The following EFCAB6 variants were observed in gnomAD, a reference collection of about 807,000 sequenced individuals.
The protein encoded by EFCAB6 is EF-hand calcium-binding domain-containing protein 6.
Under a neutral mutation model 169.8 loss-of-function variants are expected in EFCAB6, and 156 were observed. The ratio of observed to expected loss-of-function variants is 0.92; its 90% CI spans 0.81 to 1.05. EFCAB6 has a LOEUF of 1.05. Among genes scored for constraint, EFCAB6 ranks in the 50% least tolerant of loss-of-function variants. The pLI is 0.00. For missense variants in EFCAB6, 1,800 were observed against 1,829.1 expected (o/e 0.98, Z 0.29); for synonymous variants, 698 against 676.4 (o/e 1.03, Z -0.50).
In EFCAB6 at chr22:43,687,448, T is replaced by TTG. The variant is rs761757511; in HGVS notation, c.1142+22_1142+23insCA. 9 of 388,938 alleles carry TTG rather than the reference T, an allele frequency of 2.3e-5. No individual in the cohort carries two copies. The African/African-American group carries it at 3.9e-4, about 17-fold the overall frequency. The allele number at this position is 388,938 out of a possible 1,614,324, so 24.1% of individuals were successfully genotyped here. A position where few individuals can be genotyped will look rare whatever the true frequency, so the allele number is the denominator to read the frequency against. Reference sequence around the variant, plus strand: ...TTATGATATGTGTAACTAAAATTTGTTTTTTTTTTTTTTTTTACATACCTA... The same window carrying TTG: ...TTATGATATGTGTAACTAAAATTTGTTGTTTTTTTTTTTTTTTTACATACCTA... On this transcript the variant is annotated intron_variant, in intron 11 of 31. Transcript: ENST00000262726.
intron 2 of EFCAB6, among the ~76,000 whole-genome samples, chr22:43,806,519 T>C (rs1175517818): frequency 6.6e-6 from 1 of 152,124 alleles, no homozygotes; most frequent in Non-Finnish European, 1.5e-5. Flanking sequence ...GTGTTGGGAT[T>C]ACAGGTATGA....
Position 43,655,139 on chromosome 22 carries a change from C to A in EFCAB6, c.1983+11965G>T, listed in dbSNP as rs145880043. On this transcript the variant is annotated intron_variant, in intron 17 of 31. Transcript: ENST00000262726. ...GGGCGTGGTGGCAGGCACCTGTAAT[C>A]CCAGCTACTCGGGAGGCTGAGGCAG... Among the ~76,000 whole-genome samples, 176 of 152,204 alleles carry A rather than the reference C, an allele frequency of 1.2e-3. 2 individuals are homozygous for A. The highest frequency in any genetic ancestry group is 2.1e-3 in the Admixed American group (32 of 15,284).
At chr22:43,785,994 C>T (rs780181837) in intron 2 of EFCAB6, among the ~76,000 whole-genome samples, 11 of 152,208 alleles carry the variant, frequency 7.2e-5, no homozygotes, top group Non-Finnish European at 1.6e-4. Flanking sequence ...GAATTAATAA[C>T]CAAAAAACTT....
At chr22:43,703,399 G>T (rs2058836572) in intron 10 of EFCAB6, among the ~76,000 whole-genome samples, 1 of 152,138 alleles carries the variant, frequency 6.6e-6, no homozygotes, top group South Asian at 2.1e-4. Flanking sequence ...CAGAAAAGGT[G>T]GTTGTCTTTT....
At position 43,572,325 on chromosome 22, in the gene EFCAB6, C is replaced by A. The variant is rs2049939435; in HGVS notation, c.3420+3972G>T. Among the ~76,000 whole-genome samples, 1 of 152,168 alleles carries A rather than the reference C, an allele frequency of 6.6e-6. No individual in the cohort carries two copies. The highest frequency in any genetic ancestry group is 1.5e-5 in the Non-Finnish European group (1 of 68,032). On this transcript the variant is annotated intron_variant, in intron 26 of 31. Coordinates refer to ENST00000262726, the MANE Select transcript of EFCAB6 (RefSeq NM_022785.4). This position sits in a 1 kb window ranked among gnomAD's most constrained non-coding sequence, Gnocchi z 4.0. ...CTCCTTGGTCCAGCAATTCCAGGAT[C>A]AGCAGAGGCTCCTTGTGACTCGTGC...
intron 17 of EFCAB6, among the ~76,000 whole-genome samples, chr22:43,659,764 T>C (rs1418705229): frequency 1.3e-5 from 2 of 152,130 alleles, no homozygotes; most frequent in Non-Finnish European, 2.9e-5. Context: ...GGGGAATTCA[T>C]GGTAGTGAGT....
At position 43,686,906 on chromosome 22, in the gene EFCAB6, T is replaced by A. The variant is rs556596730; in HGVS notation, c.1142+565A>T. Among the ~76,000 whole-genome samples the A allele has an allele frequency of 3.9e-5, 6 of 152,266 alleles. No homozygotes were observed. In the East Asian group the frequency reaches 9.6e-4, roughly 24 times the overall value. On this transcript the variant is annotated intron_variant, in intron 11 of 31. Transcript: ENST00000262726. Reference sequence around the variant, plus strand: ...TAAAATTTCATATTATTAAATTTTTTAAAAAACATTTTGGGGCCCCATCAC... The same window carrying A: ...TAAAATTTCATATTATTAAATTTTTAAAAAAACATTTTGGGGCCCCATCAC...
At chr22:43,541,348 G>C (rs2047712140) in intron 27 of EFCAB6, among the ~76,000 whole-genome samples, 1 of 152,156 alleles carries the variant, frequency 6.6e-6, no homozygotes, top group South Asian at 2.1e-4. Flanking sequence ...AAGGCAAAAA[G>C]GTTTAGTTTG....
chr22:43,772,861 A>G (rs768203091), intron 4 of EFCAB6, 31 bp downstream of exon 4: 144 of 1,608,966 alleles, frequency 8.9e-5, no homozygotes, highest in Non-Finnish European at 1.2e-4. Context: ...TCTGGAATTG[A>G]GGGATTCTAA....
intron 22 of EFCAB6, among the ~76,000 whole-genome samples, chr22:43,602,195 C>T: frequency 6.6e-6 from 1 of 152,240 alleles, no homozygotes; most frequent in East Asian, 1.9e-4. Flanking sequence ...ACCATCAGCT[C>T]CTTATCCCCT....
At position 43,537,662 on chromosome 22, in the gene EFCAB6, G is replaced by C; in HGVS notation, c.3880-117C>G. ...CAATTTTAGAGGCAGAATTAGCCCA[G>C]AAATAAAATGAAGAATAAAACATAG... On this transcript the variant is annotated intron_variant, in intron 28 of 31. Coordinates refer to ENST00000262726, the MANE Select transcript of EFCAB6 (RefSeq NM_022785.4). The surrounding 1 kb of genome is among the most constrained non-coding windows in gnomAD (Gnocchi z 4.3). The C allele has an allele frequency of 2.6e-6, 3 of 1,169,166 alleles. No individual in the cohort carries two copies. The highest frequency in any genetic ancestry group is 5.2e-5 in the East Asian group (2 of 38,494). The allele number at this position is 1,169,166 out of a possible 1,614,324, so 72.4% of individuals were successfully genotyped here.
chr22:43,600,735 C>G (rs2052452395), intron 22 of EFCAB6, among the ~76,000 whole-genome samples: 1 of 152,094 alleles, frequency 6.6e-6, no homozygotes, highest in Admixed American at 6.5e-5. Flanking sequence ...GCGAGCTGGG[C>G]TCACTACAAC....
intron 7 of EFCAB6, among the ~76,000 whole-genome samples, chr22:43,733,281 A>G (rs2060018355): frequency 6.6e-6 from 1 of 152,244 alleles, no homozygotes; most frequent in Admixed American, 6.5e-5. Flanking sequence ...AAACCTCTCC[A>G]GCGTCACCAC....
chr22:43,759,464 G>A (rs916386076), intron 5 of EFCAB6: 3 of 152,124 alleles, frequency 2.0e-5, no homozygotes, highest in East Asian at 1.9e-4. Context: ...AGTGCCACAC[G>A]GATTATCTAA....
At position 43,626,429 on chromosome 22, in the gene EFCAB6, C is replaced by A; in HGVS notation, c.2465+18G>T. 6.2e-7 allele frequency: 1 copy of A among 1,611,624 alleles called. No individual in the cohort carries two copies. Among genetic ancestry groups the A allele is most frequent in the Non-Finnish European group, 8.5e-7 (1 of 1,178,290 alleles). On this transcript the variant is annotated intron_variant, in intron 20 of 31. Coordinates refer to ENST00000262726, the MANE Select transcript of EFCAB6 (RefSeq NM_022785.4). ...GGCCGGCATATATTAAAGACACAGACCCGTGCTGCCTTCTTACCTAATGAG... is the reference window on the plus strand; with the variant it reads ...GGCCGGCATATATTAAAGACACAGAACCGTGCTGCCTTCTTACCTAATGAG...
At chr22:43,759,229 T>C (rs1259841541) in intron 5 of EFCAB6, 2 of 152,268 alleles carry the variant, frequency 1.3e-5, no homozygotes, top group Non-Finnish European at 2.9e-5. Flanking sequence ...TCCATCTGAA[T>C]CTCTGATACC....
At chr22:43,774,626 G>A (rs549461657) in intron 3 of EFCAB6, among the ~76,000 whole-genome samples, 1 of 151,904 alleles carries the variant, frequency 6.6e-6, no homozygotes, top group Admixed American at 6.5e-5. Flanking sequence ...CAGGCATTAG[G>A]TGTCTGCAGG....
At position 43,752,411 on chromosome 22, in the gene EFCAB6, C is replaced by T. The variant is rs114447716; in HGVS notation, c.507+3355G>A. The stretch of plus-strand genomic sequence containing the variant: ...GGGATTACAGGCGTGAGCCACCATG[C>T]CCGGCTGCCCACTTCTCCTTTCTAA... On this transcript the variant is annotated intron_variant, in intron 6 of 31. Coordinates refer to ENST00000262726, the MANE Select transcript of EFCAB6 (RefSeq NM_022785.4). Among the ~76,000 whole-genome samples the T allele has an allele frequency of 9.0e-3, 1,372 of 152,324 alleles. 20 individuals are homozygous for T. The highest frequency in any genetic ancestry group is 0.032 in the African/African-American group (1,327 of 41,560).
chr22:43,537,750 A>G lies in EFCAB6; in HGVS notation c.3880-205T>C, dbSNP rs748930703. Among the ~76,000 whole-genome samples, 7 of 152,206 alleles carry G rather than the reference A, an allele frequency of 4.6e-5. No individual in the cohort carries two copies. Among genetic ancestry groups the G allele is most frequent in the Non-Finnish European group, 8.8e-5 (6 of 68,026 alleles). On this transcript the variant is annotated intron_variant, in intron 28 of 31. Coordinates refer to ENST00000262726, the MANE Select transcript of EFCAB6 (RefSeq NM_022785.4). This position sits in a 1 kb window ranked among gnomAD's most constrained non-coding sequence, Gnocchi z 4.3. ...GGGCTATATGTACTTATGCCAAGCC[A>G]TAATAACCAAAATAATTTTGGAAAT...
Sources: gnomAD v4.1 joint callset for allele counts (sites outside exome capture counted in the v4.1 genomes callset) on GRCh38, gnomAD v4.1.1 for gene constraint, Gnocchi (gnomAD v3.1) non-coding constraint, MANE v1.5 for transcripts, NCBI Gene and HGNC (gene_info 2026-07-23, HGNC 2026-07-21) for gene names.